Variants in RBPJ observed in about 807,000 individuals in gnomAD.
The protein encoded by RBPJ is recombination signal binding protein for immunoglobulin kappa J region.
A neutral mutation model predicts 67.8 loss-of-function variants in RBPJ; 9 were observed. The ratio of observed to expected loss-of-function variants is 0.13; its 90% confidence interval spans 0.08 to 0.23. The LOEUF is 0.23. RBPJ is among the 10% of genes least tolerant of loss of function. RBPJ has a pLI of 1.00. For missense variants in RBPJ, 305 were observed against 595.6 expected (o/e 0.51, Z 5.08); for synonymous variants, 198 against 203.3 (o/e 0.97, Z 0.22).
In RBPJ at chr4:26,336,584, A is replaced by G. The variant is rs74513468; in HGVS notation, c.20+15536A>G. On this transcript the variant is annotated intron_variant, in intron 1 of 10. Coordinates refer to ENST00000355476, the MANE Select transcript of RBPJ (RefSeq NM_015874.6). ...AGGATCACTTAAGCCCAGGAGTTTG[A>G]GATTGCAGTGAGCTGTGATTAAACC... is the stretch of plus-strand genomic sequence containing the variant. 4.9e-3 allele frequency among the ~76,000 whole-genome samples: 749 copies of G among 151,844 alleles called. 10 individuals carry two copies. The highest frequency in any genetic ancestry group is 0.018 in the African/African-American group (727 of 41,400).
At chr4:26,314,243 A>C (rs1722531210) in intron 1 of RBPJ, among the ~76,000 whole-genome samples, 2 of 152,206 alleles carry the variant, frequency 1.3e-5, no homozygotes, top group South Asian at 4.1e-4. Flanking sequence ...CATTCTATGT[A>C]TAATTTAAAA....
At chr4:26,364,598 C>CTTTTTTTTTTTTTTCTTTTTCATTTTCTT (rs1728416237) in intron 1 of RBPJ, among the ~76,000 whole-genome samples, 2 of 125,414 alleles carry the variant, frequency 1.6e-5, no homozygotes, top group Non-Finnish European at 3.3e-5. Flanking sequence ...ATTTGGAAGA[C>CTTTTTTTTTTTTTTCTTTTTCATTTTCTT]TTTTTTTTTT....
At chr4:26,190,965 C>T (rs749948277) in intron 1 of RBPJ, among the ~76,000 whole-genome samples, 3 of 150,728 alleles carry the variant, frequency 2.0e-5, no homozygotes, top group Non-Finnish European at 4.4e-5. Flanking sequence ...GGGCAACATA[C>T]CGAGACCTCG....
At chr4:26,364,607 TTTTTTCTTTTTCATTTTC>T (rs1728421841) in intron 1 of RBPJ, among the ~76,000 whole-genome samples, 1 of 151,420 alleles carries the variant, frequency 6.6e-6, no homozygotes. Context: ...ACTTTTTTTT[TTTTTTCTTTTTCATTTTC>T]TTTTTTTTTT....
rs73809420 is a variant in RBPJ, at chr4:26,344,926, T to A, written c.20+23878T>A. ...CATAAGATGTTCATATTGAAGATTT[T>A]AAAAAAATACAGGTTGAATGTGCTG... On this transcript the variant is annotated intron_variant, in intron 1 of 10. Transcript: ENST00000355476. Among the ~76,000 whole-genome samples, 757 of 152,288 alleles carry A rather than the reference T, an allele frequency of 5.0e-3. 10 individuals carry two copies. The highest frequency in any genetic ancestry group is 0.018 in the African/African-American group (735 of 41,568).
At chr4:26,265,180 G>GT (rs1178852479) in intron 1 of RBPJ, among the ~76,000 whole-genome samples, 2 of 152,178 alleles carry the variant, frequency 1.3e-5, no homozygotes, top group African/African-American at 4.8e-5. Flanking sequence ...GTGAACAAAG[G>GT]TTGTCTTACC....
At chr4:26,398,406 G>T (rs1025374945) in intron 2 of RBPJ, among the ~76,000 whole-genome samples, 2 of 152,282 alleles carry the variant, frequency 1.3e-5, no homozygotes, top group Admixed American at 1.3e-4. Context: ...CAAACTCACC[G>T]CTATAATTAA....
chr4:26,116,642 T>C, the RBPJ span, among the ~76,000 whole-genome samples: 1 of 152,172 alleles, frequency 6.6e-6, no homozygotes, highest in Admixed American at 6.5e-5. Flanking sequence ...CTTATGCCCA[T>C]GAAGGTGCAC....
chr4:26,270,971 G>A (rs1720898095), intron 1 of RBPJ, among the ~76,000 whole-genome samples: 1 of 151,742 alleles, frequency 6.6e-6, no homozygotes, highest in African/African-American at 2.4e-5. Context: ...GACATTTTGA[G>A]GAGAAAAAAA....
At chr4:26,133,963 A>C in the RBPJ span, among the ~76,000 whole-genome samples, 16 of 152,130 alleles carry the variant, frequency 1.1e-4, no homozygotes, top group Non-Finnish European at 1.3e-4. Context: ...GCTCTCCAAC[A>C]GGGACTGTCA....
rs1734564724 is a variant in RBPJ at position 26,416,148 on chromosome 4, T to C, written c.321+508T>C. ...CAAGAACAGCCACAGTTGGCTTTAC[T>C]CAAATTTTAGTGCGTGGCAGGGGTT... On this transcript the variant is annotated intron_variant, in intron 4 of 10. Transcript: ENST00000355476. Among the ~76,000 whole-genome samples, 5 of 152,310 alleles carry C rather than the reference T, an allele frequency of 3.3e-5. No individual in the cohort carries two copies. The South Asian group carries it at 1.0e-3, about 32-fold the overall frequency.
Position 26,214,286 on chromosome 4 carries a change from A to G in RBPJ, c.-167+50672A>G, listed in dbSNP as rs1199201588. 2.9e-5 allele frequency among the ~76,000 whole-genome samples: 3 copies of G among 103,728 alleles called. No homozygotes were observed. The East Asian group carries it at 9.3e-4, about 32-fold the overall frequency. 68.0% of individuals were successfully genotyped at this position (103,728 alleles called of 152,430 possible). On this transcript the variant is annotated intron_variant, in intron 1 of 4. Coordinates refer to the RBPJ transcript ENST00000512351. ...CGAAAGAAAGAAAGAGAAAGGAGGAAGGAAAGGAAGGAAGCAAGGAGACAG... is the reference window on the plus strand; with the variant it reads ...CGAAAGAAAGAAAGAGAAAGGAGGAGGGAAAGGAAGGAAGCAAGGAGACAG...
chr4:26,191,238 G>GAT (rs1560204221), intron 1 of RBPJ, among the ~76,000 whole-genome samples: 94 of 108,056 alleles, frequency 8.7e-4, no homozygotes, highest in African/African-American at 2.7e-3. Flanking sequence ...GAGAGAGAGA[G>GAT]AGATAGAGAG....
the RBPJ span, among the ~76,000 whole-genome samples, chr4:26,153,904 T>C: frequency 6.6e-6 from 1 of 151,998 alleles, no homozygotes; most frequent in Non-Finnish European, 1.5e-5. Context: ...GCTGAGATCG[T>C]GCCACTGCAC....
chr4:26,270,385 G>GAAAGAAAGAAAGAAAGAAAGAA (rs1720851992), intron 1 of RBPJ, among the ~76,000 whole-genome samples: 1 of 53,682 alleles, frequency 1.9e-5, no homozygotes, highest in Non-Finnish European at 4.2e-5. Context: ...AAGAAAGAAA[G>GAAAGAAAGAAAGAAAGAAAGAA]AAAGAAAGAA....
intron 1 of RBPJ, among the ~76,000 whole-genome samples, chr4:26,323,587 A>G (rs912801676): frequency 1.3e-5 from 2 of 152,340 alleles, no homozygotes; most frequent in East Asian, 1.9e-4. Flanking sequence ...ATCTGTGAGT[A>G]TATTTTCAGA....
rs184944592 is a variant in RBPJ, at chr4:26,267,307, A to C, written c.-166-95139A>C. Reference sequence around the variant, plus strand: ...CAGTCCAGCCTCCCAGAGTAAATGCAATTCAGCAGCCAGAATAACAGACTC... The same window carrying C: ...CAGTCCAGCCTCCCAGAGTAAATGCCATTCAGCAGCCAGAATAACAGACTC... On this transcript the variant is annotated intron_variant, in intron 1 of 4. Coordinates refer to the RBPJ transcript ENST00000512351. Among the ~76,000 whole-genome samples, 329 of 152,232 alleles carry C rather than the reference A, an allele frequency of 2.2e-3. 3 individuals are homozygous for C. The highest frequency in any genetic ancestry group is 2.0e-3 in the Non-Finnish European group (138 of 68,012).
chr4:26,192,117 T>G (rs905548540), intron 1 of RBPJ, among the ~76,000 whole-genome samples: 4 of 151,906 alleles, frequency 2.6e-5, no homozygotes, highest in African/African-American at 9.7e-5. Flanking sequence ...CAAGTGATTC[T>G]CCTACCTCAG....
chr4:26,208,404 CAGA>C (rs1718243757), intron 1 of RBPJ, among the ~76,000 whole-genome samples: 1 of 152,160 alleles, frequency 6.6e-6, no homozygotes, highest in Non-Finnish European at 1.5e-5. Context: ...CTCTCTAGTG[CAGA>C]AGAGAAGGCT....
Sources: gnomAD v4.1 joint callset for allele counts (sites outside exome capture counted in the v4.1 genomes callset) on GRCh38, gnomAD v4.1.1 for gene constraint, MANE v1.5 for transcripts, NCBI Gene and HGNC (gene_info 2026-07-23, HGNC 2026-07-21) for gene names.